The following MICAL2 variants were observed in gnomAD, a reference collection of about 807,000 sequenced individuals.
MICAL2 encodes [F-actin]-monooxygenase MICAL2.
MICAL2 carries 77 observed loss-of-function variants against 127.3 expected under a neutral mutation model. That is an observed-to-expected ratio of 0.60 (90% CI 0.50 to 0.73). The LOEUF is 0.73. Among genes scored for constraint, MICAL2 ranks in the 30% least tolerant of loss-of-function variants. The pLI is 0.00. For synonymous variants in MICAL2, 570 were observed against 551.1 expected (o/e 1.03, Z -0.48); for missense variants, 1,351 against 1,434.4 (o/e 0.94, Z 0.94).
chr11:12,270,496 A>G (rs1863662924), intron 24 of MICAL2, among the ~76,000 whole-genome samples: 2 of 152,164 alleles, frequency 1.3e-5, no homozygotes, highest in Non-Finnish European at 2.9e-5. Flanking sequence ...TGGTGGCACC[A>G]GCTCTTCTCC....
intron 3 of MICAL2, among the ~76,000 whole-genome samples, chr11:12,179,594 G>T (rs548821042): frequency 6.6e-6 from 1 of 152,266 alleles, no homozygotes; most frequent in South Asian, 2.1e-4. Context: ...CCTCCCAAGG[G>T]CTTCCTTCTT....
chr11:12,253,396 A>G (rs1249790275), intron 22 of MICAL2: 1 of 151,932 alleles, frequency 6.6e-6, no homozygotes, highest in East Asian at 1.9e-4. Context: ...CCCATTCCAC[A>G]TACTGCTCTT....
At chr11:12,318,751 T>A (rs995639541) in intron 29 of MICAL2, among the ~76,000 whole-genome samples, 4 of 152,220 alleles carry the variant, frequency 2.6e-5, no homozygotes, top group Non-Finnish European at 5.9e-5. Flanking sequence ...CTCTGCATCA[T>A]GTTGATGTGT....
At chr11:12,334,947 T>C (rs1938722623) in intron 32 of MICAL2, among the ~76,000 whole-genome samples, 1 of 152,166 alleles carries the variant, frequency 6.6e-6, no homozygotes, top group South Asian at 2.1e-4. Flanking sequence ...GCATGACTTA[T>C]AATCCTTTGG....
chr11:12,220,150 G>T (rs758556402), intron 8 of MICAL2, 51 bp from the exon 9 acceptor site: 3 of 1,606,944 alleles, frequency 1.9e-6, no homozygotes, highest in South Asian at 1.1e-5. Flanking sequence ...GGGTATGAAG[G>T]CTAGCCCTTT....
At chr11:12,294,797 GCTCCTCCTC>G (rs3841216), downstream of MICAL2, 10,789 of 1,499,468 alleles carry the variant, frequency 7.2e-3, 51 homozygotes, top group African/African-American at 0.018. Flanking sequence ...GCGCCAGGCA[GCTCCTCCTC>G]CTCCTCCTCC....
At chr11:12,327,663 G>A (rs1219688630) in intron 32 of MICAL2, among the ~76,000 whole-genome samples, 1 of 151,558 alleles carries the variant, frequency 6.6e-6, no homozygotes, top group African/African-American at 2.4e-5. Flanking sequence ...GAGAGTCAAT[G>A]TCCTGGTTTT....
chr11:12,133,609 C>T (rs1851601880), intron 1 of MICAL2, among the ~76,000 whole-genome samples: 2 of 149,804 alleles, frequency 1.3e-5, no homozygotes, highest in Non-Finnish European at 3.0e-5. Flanking sequence ...TCTCTTGGGA[C>T]AGGTGACTGA....
In MICAL2 at chr11:12,126,705, TAA is replaced by T. The variant is rs5789711; in HGVS notation, c.-148-11670_-148-11669del. 1.9e-3 allele frequency among the ~76,000 whole-genome samples: 276 copies of T among 144,336 alleles called. 1 individual carries two copies. Among genetic ancestry groups the T allele is most frequent in the Middle Eastern group, 7.3e-3 (2 of 274 alleles). The allele number at this position is 144,336 out of a possible 152,430, so 94.7% of individuals were successfully genotyped here. A position where few individuals can be genotyped will look rare whatever the true frequency, so the allele number is the denominator to read the frequency against. On this transcript the variant is annotated intron_variant, in intron 1 of 27. Coordinates refer to ENST00000683283, the MANE Select transcript of MICAL2 (RefSeq NM_001282663.2). The stretch of plus-strand genomic sequence containing the variant: ...CTTGGGAAAGCAAGGCTTATGTGTG[TAA>T]AAAAAAAAAAAAAATTAAGTAACAG...
At chr11:12,261,176 G>A (rs770266504) in intron 26 of MICAL2, 160 of 985,378 alleles carry the variant, frequency 1.6e-4, no homozygotes, top group Middle Eastern at 5.2e-4. Context: ...GCTGGGAAGC[G>A]TGGCCTGCCC....
intron 2 of MICAL2, chr11:12,286,866 A>G: frequency 2.9e-6 from 1 of 341,874 alleles, no homozygotes; most frequent in Non-Finnish European, 5.3e-6. Flanking sequence ...AAGCAAACAA[A>G]AACACAAAAA....
chr11:12,221,801 C>G (rs1224642821), intron 10 of MICAL2, 42 bp downstream of exon 10: 5 of 1,542,164 alleles, frequency 3.2e-6, no homozygotes, highest in Non-Finnish European at 4.5e-6. Context: ...GGGCAGGGCA[C>G]TCAGGCAGGA....
intron 15 of MICAL2, among the ~76,000 whole-genome samples, chr11:12,227,446 C>T (rs1243586001): frequency 6.6e-6 from 1 of 152,202 alleles, no homozygotes; most frequent in African/African-American, 2.4e-5. Flanking sequence ...GAAATGATTT[C>T]TCACTGTGCT....
At chr11:12,222,962 T>C (rs1856998571) in intron 11 of MICAL2, among the ~76,000 whole-genome samples, 2 of 152,198 alleles carry the variant, frequency 1.3e-5, no homozygotes, top group Non-Finnish European at 1.5e-5. Flanking sequence ...GAGATTTATA[T>C]GTATATGTGC....
downstream of MICAL2, chr11:12,294,081 A>G (rs1407036688): frequency 1.2e-6 from 2 of 1,613,972 alleles, no homozygotes; most frequent in Non-Finnish European, 1.7e-6. Flanking sequence ...AGTGCTGAGA[A>G]TGGTAGAGGA....
chr11:12,344,152 C>T (rs1357414431), intron 32 of MICAL2, among the ~76,000 whole-genome samples: 6 of 151,866 alleles, frequency 4.0e-5, no homozygotes, highest in Admixed American at 6.6e-5. Flanking sequence ...AAAAATTAGT[C>T]GGGCATGGTG....
chr11:12,126,005 C>T (rs1440014325), intron 1 of MICAL2, among the ~76,000 whole-genome samples: 1 of 152,170 alleles, frequency 6.6e-6, no homozygotes, highest in African/African-American at 2.4e-5. Flanking sequence ...GCCTCAGCTC[C>T]TCAGGTGTAA....
At chr11:12,266,926 A>C (rs1178642867), downstream of MICAL2, among the ~76,000 whole-genome samples, 1 of 152,200 alleles carries the variant, frequency 6.6e-6, no homozygotes, top group African/African-American at 2.4e-5. Context: ...CACTTTCCTG[A>C]TCTTGCACAG....
At chr11:12,235,332 G>C (rs1858892841) in intron 15 of MICAL2, among the ~76,000 whole-genome samples, 1 of 152,192 alleles carries the variant, frequency 6.6e-6, no homozygotes, top group South Asian at 2.1e-4. Flanking sequence ...CAATGGGCTT[G>C]GGTAGAGCAG....
Sources: allele counts gnomAD v4.1 joint callset (sites outside exome capture counted in the v4.1 genomes callset), GRCh38; gene constraint gnomAD v4.1.1; transcripts MANE v1.5; gene names NCBI Gene and HGNC (gene_info 2026-07-23, HGNC 2026-07-21).